The following CCDC27 variants were observed in gnomAD, a reference collection of about 807,000 sequenced individuals.
CCDC27 encodes the protein coiled-coil domain containing 27, also known as coiled-coil domain-containing protein 27.
Under a neutral mutation model 80.3 loss-of-function variants are expected in CCDC27, and 80 were observed. The observed-to-expected ratio is 1.00, with a 90% confidence interval of 0.83 to 1.20. The LOEUF (loss-of-function observed/expected upper bound fraction) is 1.20, where lower values mean the gene tolerates loss of function less well. Ranked by LOEUF, CCDC27 falls within the 50% of genes most tolerant of loss-of-function variation. The pLI, the probability that CCDC27 is intolerant of heterozygous loss-of-function variation, is 0.00. For synonymous variants in CCDC27, 342 were observed against 334.3 expected, an observed-to-expected ratio of 1.02 and a Z score of -0.25; for missense variants, 815 against 809.4, an observed-to-expected ratio of 1.01 and a Z score of -0.08.
At chr1:3,767,083 C>T in intron 9 of CCDC27, 150 bp from the exon 10 acceptor site, 1 of 659,964 alleles carries the variant, frequency 1.5e-6, no homozygotes, top group Non-Finnish European at 2.7e-6. Flanking sequence ...TCGTGATCCG[C>T]CCACCGCAGC....
chr1:3,769,278 G>C lies in CCDC27; in HGVS notation c.1744-505G>C, dbSNP rs1643303632. ...ACGCCTTCTGGGTCTGTGCGCGGGG[G>C]CCAGGTTCAACGCTGCTGTCCATGG... On this transcript the variant is annotated intron_variant, in intron 10 of 11. Transcript: ENST00000294600. This position sits in a 1 kb window ranked among gnomAD's most constrained non-coding sequence, Gnocchi z 4.6. Among the ~76,000 whole-genome samples, 1 of 152,096 alleles carries C rather than the reference G, an allele frequency of 6.6e-6. No individual in the cohort carries two copies. The highest frequency in any genetic ancestry group is 6.6e-5 in the Admixed American group (1 of 15,264).
In CCDC27 at chr1:3,769,440, G is replaced by T. The variant is rs772743751; in HGVS notation, c.1744-343G>T. On this transcript the variant is annotated intron_variant, in intron 10 of 11. Coordinates refer to ENST00000294600, the MANE Select transcript of CCDC27 (RefSeq NM_152492.3). This position sits in a 1 kb window ranked among gnomAD's most constrained non-coding sequence, Gnocchi z 4.6. ...CTGGGCAGTGGAGGATGGTCCAGGG[G>T]TTACGTGCGGCTTCTGTACTATTTT... Among the ~76,000 whole-genome samples the T allele has an allele frequency of 2.6e-5, 4 of 152,152 alleles. No individual in the cohort carries two copies. The highest frequency in any genetic ancestry group is 4.4e-5 in the Non-Finnish European group (3 of 68,020).
rs768891256 is a variant in CCDC27 at position 3,761,435 on chromosome 1, G to T, written c.861+5G>T. The T allele has an allele frequency of 5.0e-6, 8 of 1,613,164 alleles. No homozygotes were observed. The South Asian group carries it at 8.8e-5, about 18-fold the overall frequency. ...TCCATGTCCCCAGGCAGGAGGGTGAGCCAGCCCCAGCGGGGCACAGCGCAG... is the reference window on the plus strand; with the variant it reads ...TCCATGTCCCCAGGCAGGAGGGTGATCCAGCCCCAGCGGGGCACAGCGCAG... On this transcript the variant is annotated splice_donor_5th_base_variant and intron_variant, in intron 5 of 11. Transcript: ENST00000294600. This position sits in a 1 kb window ranked among gnomAD's most constrained non-coding sequence, Gnocchi z 5.0.
At position 3,760,213 on chromosome 1, in the gene CCDC27, T is replaced by C. The variant is rs887953038; in HGVS notation, c.712-1068T>C. 3.3e-5 allele frequency among the ~76,000 whole-genome samples: 5 copies of C among 152,182 alleles called. No individual in the cohort carries two copies. The highest frequency in any genetic ancestry group is 7.3e-5 in the Non-Finnish European group (5 of 68,036). ...GTGATTTCTGCACTTTTTTTTCCCT[T>C]TAACTTTGTATTTCAGGCATAAAGT... On this transcript the variant is annotated intron_variant, in intron 4 of 11. Coordinates refer to ENST00000294600, the MANE Select transcript of CCDC27 (RefSeq NM_152492.3). This position sits in a 1 kb window ranked among gnomAD's most constrained non-coding sequence, Gnocchi z 4.3.
chr1:3,763,142 A>AG lies in CCDC27; in HGVS notation c.991dup (p.Glu331GlyfsTer37). 1.3e-6 allele frequency: 2 copies of AG among 1,485,524 alleles called. No homozygotes were observed. The highest frequency in any genetic ancestry group is 1.8e-6 in the Non-Finnish European group (2 of 1,117,620). The allele number at this position is 1,485,524 out of a possible 1,614,324, so 92.0% of individuals were successfully genotyped here. ...GAGTCTGCGGCACCGGAGAGGGGCA[A>AG]GGAGCCCGACCTGGGAGGTGGCGAG... On this transcript the variant is annotated frameshift_variant, in exon 7 of 12. Transcript: ENST00000294600. LOFTEE classifies it high-confidence loss of function. The surrounding 1 kb of genome is among the most constrained non-coding windows in gnomAD (Gnocchi z 7.5).
rs141116417 is a variant in CCDC27 at position 3,763,323 on chromosome 1, G to A, written c.1170G>A (p.Pro390=). The A allele has an allele frequency of 4.5e-3, 7,203 of 1,611,994 alleles. 20 individuals are homozygous for A. Among genetic ancestry groups the A allele is most frequent in the African/African-American group, 7.1e-3 (531 of 74,980 alleles). The stretch of plus-strand genomic sequence containing the variant: ...AGGACTCAGAGGAAAGGGAGCTGCC[G>A]GAGGAAGAGGAGATCCCCAGGAGAA... The part of the protein sequence containing the change: ...RDEDSEEREL[P]EEEEIPRRRA... Residue 390 remains proline, a synonymous_variant, in exon 7 of 12, where the codon CCG becomes CCA. Transcript: ENST00000294600. The surrounding 1 kb of genome is among the most constrained non-coding windows in gnomAD (Gnocchi z 7.5).
intron 4 of CCDC27, among the ~76,000 whole-genome samples, chr1:3,758,221 C>A (rs991594606): frequency 1.3e-5 from 2 of 152,120 alleles, no homozygotes; most frequent in Non-Finnish European, 2.9e-5. Context: ...GACAGAGTCT[C>A]TCTCTGTTGC....
chr1:3,767,739 G>A (rs372973386), intron 10 of CCDC27, among the ~76,000 whole-genome samples: 130 of 152,356 alleles, frequency 8.5e-4, no homozygotes, highest in Admixed American at 1.8e-3. Context: ...TGGATCACTG[G>A]CTGGAAAGGA....
Position 3,752,610 on chromosome 1 carries a change from C to A in CCDC27, c.129C>A (p.Arg43=). Residue 43 remains arginine, a synonymous_variant, in exon 1 of 12, where the codon CGC becomes CGA. Coordinates refer to ENST00000294600, the MANE Select transcript of CCDC27 (RefSeq NM_152492.3). ...GCTCACTTGGTCTTTGCATCCCACG[C>A]CTCATGTTACCTAAGGAGGCCAGCC... is the stretch of plus-strand genomic sequence containing the variant. ...QQSSLGLCIP[R]LMLPKEASPS... is the part of the protein sequence containing the mutation. 1 of 1,614,220 alleles carries A rather than the reference C, an allele frequency of 6.2e-7. No homozygotes were observed. The highest frequency in any genetic ancestry group is 8.5e-7 in the Non-Finnish European group (1 of 1,180,044).
At chr1:3,765,145 T>C (rs1444884069) in intron 8 of CCDC27, among the ~76,000 whole-genome samples, 3 of 152,202 alleles carry the variant, frequency 2.0e-5, no homozygotes, top group Non-Finnish European at 4.4e-5. Flanking sequence ...ATAGCATTCC[T>C]GTTTGAAAAC....
rs139624958 is a variant in CCDC27 at position 3,766,075 on chromosome 1, A to G, written c.1453-460A>G. Among the ~76,000 whole-genome samples, 1,089 of 152,100 alleles carry G rather than the reference A, an allele frequency of 7.2e-3. 12 individuals carry two copies. The highest frequency in any genetic ancestry group is 0.025 in the African/African-American group (1,043 of 41,478). On this transcript the variant is annotated intron_variant, in intron 8 of 11. Transcript: ENST00000294600. The surrounding 1 kb of genome is among the most constrained non-coding windows in gnomAD (Gnocchi z 6.1). ...TGTAGAGATAGGATCTATGTTACCC[A>G]CGCTTCTCTCAAATTCCCGACCTCA...
At chr1:3,752,914 T>C in intron 1 of CCDC27, 115 bp downstream of exon 1, 5 of 1,204,000 alleles carry the variant, frequency 4.2e-6, no homozygotes, top group Non-Finnish European at 4.6e-6. Context: ...CTTCTGGTGA[T>C]GGGTTACCAA....
rs371387683 is a variant in CCDC27 at position 3,763,484 on chromosome 1, C to T, written c.1321+10C>T. 253 of 1,579,498 alleles carry T rather than the reference C, an allele frequency of 1.6e-4. No individual in the cohort carries two copies. The highest frequency in any genetic ancestry group is 2.3e-4 in the Middle Eastern group (1 of 4,396). Reference sequence around the variant, plus strand: ...TACTCCCTTGCAACAGGTAGGGCCTCGGCGGGGGGCACTGGGCTTTGGCCA... The same window carrying T: ...TACTCCCTTGCAACAGGTAGGGCCTTGGCGGGGGGCACTGGGCTTTGGCCA... On this transcript the variant is annotated intron_variant, in intron 7 of 11. Transcript: ENST00000294600. This position sits in a 1 kb window ranked among gnomAD's most constrained non-coding sequence, Gnocchi z 7.5.
chr1:3,763,545 GA>G lies in CCDC27; in HGVS notation c.1321+72del. On this transcript the variant is annotated intron_variant, in intron 7 of 11. Coordinates refer to ENST00000294600, the MANE Select transcript of CCDC27 (RefSeq NM_152492.3). The surrounding 1 kb of genome is among the most constrained non-coding windows in gnomAD (Gnocchi z 7.5). ...CCCGGCCCAGGAGCTGGGACGCCCA[GA>G]CGCTGCCTGCTCTGGTCAGTGAGCT... 6.5e-7 allele frequency: 1 copy of G among 1,548,648 alleles called. No homozygotes were observed. The highest frequency in any genetic ancestry group is 8.7e-7 in the Non-Finnish European group (1 of 1,146,816).
At chr1:3,753,500 G>T (rs574261730) in intron 1 of CCDC27, among the ~76,000 whole-genome samples, 1 of 151,860 alleles carries the variant, frequency 6.6e-6, no homozygotes, top group East Asian at 1.9e-4. Flanking sequence ...TTATTTGTTT[G>T]TTTGTTTGTA....
Position 3,754,101 on chromosome 1 carries a change from T to A in CCDC27, c.319-17T>A, listed in dbSNP as rs1247875551. 1 of 1,611,664 alleles carries A rather than the reference T, an allele frequency of 6.2e-7. No individual in the cohort carries two copies. On this transcript the variant is annotated splice_polypyrimidine_tract_variant and intron_variant, in intron 1 of 11. Transcript: ENST00000294600. Reference sequence around the variant, plus strand: ...CAGGGGCCTTCCTTGTCTGTCTTACTTTCCCCGCTCTGCCAGAGTGAACCC... The same window carrying A: ...CAGGGGCCTTCCTTGTCTGTCTTACATTCCCCGCTCTGCCAGAGTGAACCC...
intron 8 of CCDC27, among the ~76,000 whole-genome samples, chr1:3,765,930 G>A (rs544462731): frequency 1.3e-5 from 2 of 150,674 alleles, no homozygotes; most frequent in East Asian, 3.9e-4. Flanking sequence ...GTTCAGTGGT[G>A]TGATCACAGC....
At chr1:3,757,217 AC>A (rs1642979268) in intron 4 of CCDC27, 1 of 179,308 alleles carries the variant, frequency 5.6e-6, no homozygotes, top group Non-Finnish European at 1.2e-5. Flanking sequence ...AACAGGAATA[AC>A]CAGCTTGATT....
rs1643223841 is a variant in CCDC27, at chr1:3,766,229, A to G, written c.1453-306A>G. Among the ~76,000 whole-genome samples, 1 of 152,174 alleles carries G rather than the reference A, an allele frequency of 6.6e-6. No individual in the cohort carries two copies. Among genetic ancestry groups the G allele is most frequent in the African/African-American group, 2.4e-5 (1 of 41,436 alleles). On this transcript the variant is annotated intron_variant, in intron 8 of 11. Transcript: ENST00000294600. The surrounding 1 kb of genome is among the most constrained non-coding windows in gnomAD (Gnocchi z 6.1). ...TCCTCATTTTAGCCTCCATGTTTAG[A>G]AGAACCCAGACCAACAATGTCTGAG...
Sources: allele counts gnomAD v4.1 joint callset (sites outside exome capture counted in the v4.1 genomes callset), GRCh38; gene constraint gnomAD v4.1.1; non-coding constraint Gnocchi (gnomAD v3.1); transcripts MANE v1.5; gene names NCBI Gene and HGNC (gene_info 2026-07-23, HGNC 2026-07-21).